DAB1: variants seen among roughly 807,000 people sequenced by gnomAD.
DAB1 encodes disabled homolog 1.
A neutral mutation model predicts 64.6 loss-of-function variants in DAB1; 15 were observed. The ratio of observed to expected loss-of-function variants is 0.23; its 90% CI spans 0.16 to 0.36. The LOEUF (loss-of-function observed/expected upper bound fraction) is 0.36, where lower values mean the gene tolerates loss of function less well. Among genes scored for constraint, DAB1 ranks in the 10% least tolerant of loss-of-function variants. The pLI, the probability that DAB1 is intolerant of heterozygous loss-of-function variation, is 1.00. For synonymous variants in DAB1, 235 were observed against 251.9 expected (o/e 0.93, Z 0.64); for missense variants, 596 against 706.7 (o/e 0.84, Z 1.78).
intron 3 of DAB1, among the ~76,000 whole-genome samples, chr1:58,488,656 T>G (rs1428924390): frequency 6.6e-6 from 1 of 152,220 alleles, no homozygotes; most frequent in Non-Finnish European, 1.5e-5. Context: ...TTCTCCATGT[T>G]GGTCAGGCTG....
chr1:57,311,522 C>CCACACACACA (rs3042913), intron 1 of DAB1, among the ~76,000 whole-genome samples: 1 of 149,970 alleles, frequency 6.7e-6, no homozygotes, highest in Admixed American at 6.6e-5. Context: ...CTGCCAACCA[C>CCACACACACA]CACACACACA....
chr1:58,501,669 C>T (rs4912195), intron 3 of DAB1, among the ~76,000 whole-genome samples: 47,304 of 152,036 alleles, frequency 0.31, 7,794 homozygotes, highest in African/African-American at 0.42. Context: ...CCTTCTTTGA[C>T]TGCTGAAGGA....
intron 6 of DAB1, among the ~76,000 whole-genome samples, chr1:57,748,897 T>G (rs77654054): frequency 0.012 from 1,821 of 152,304 alleles, 48 homozygotes; most frequent in African/African-American, 0.042. Flanking sequence ...ATGCGTACGA[T>G]GAAAAGGGCA....
Position 57,480,060 on chromosome 1 carries a change from G to A in DAB1, n.625+169532C>T, listed in dbSNP as rs1643995256. 1.3e-5 allele frequency among the ~76,000 whole-genome samples: 2 copies of A among 151,318 alleles called. 1 individual carries two copies. Among genetic ancestry groups the A allele is most frequent in the South Asian group, 4.2e-4 (2 of 4,776 alleles). On this transcript the variant is annotated intron_variant and non_coding_transcript_variant, in intron 7 of 20. Coordinates refer to the DAB1 transcript ENST00000485760. Reference sequence around the variant, plus strand: ...CCAGCTACACGGGAGGCTGAGGCAGGAGAATGGCGTGAACCCGGGAGGCGG... The same window carrying A: ...CCAGCTACACGGGAGGCTGAGGCAGAAGAATGGCGTGAACCCGGGAGGCGG...
intron 7 of DAB1, among the ~76,000 whole-genome samples, chr1:57,533,818 C>A (rs544475461): frequency 1.7e-3 from 265 of 151,908 alleles, no homozygotes; most frequent in African/African-American, 6.1e-3. Flanking sequence ...TCATTGTCTT[C>A]AAAAATAGCA....
At chr1:57,908,184 C>A (rs1644585935) in intron 5 of DAB1, among the ~76,000 whole-genome samples, 1 of 152,012 alleles carries the variant, frequency 6.6e-6, no homozygotes, top group African/African-American at 2.4e-5. Flanking sequence ...TTGAAACTTC[C>A]CTCCTACCAG....
intron 5 of DAB1, among the ~76,000 whole-genome samples, chr1:57,964,721 A>G (rs1037182869): frequency 6.6e-6 from 1 of 152,188 alleles, no homozygotes; most frequent in Non-Finnish European, 1.5e-5. Context: ...ATCCGATGGC[A>G]GAATTTACGT....
intron 6 of DAB1, among the ~76,000 whole-genome samples, chr1:57,780,595 A>G (rs144098696): frequency 1.3e-5 from 2 of 151,736 alleles, no homozygotes; most frequent in African/African-American, 2.4e-5. Context: ...AAGAAAAAAA[A>G]TCCATATTTT....
At chr1:57,699,727 A>G (rs1168300260) in intron 6 of DAB1, among the ~76,000 whole-genome samples, 1 of 152,098 alleles carries the variant, frequency 6.6e-6, no homozygotes, top group Non-Finnish European at 1.5e-5. Flanking sequence ...ATCCTGGCCA[A>G]TATGGTGAAA....
At chr1:58,002,343 T>C (rs1051480659) in intron 5 of DAB1, among the ~76,000 whole-genome samples, 1 of 152,218 alleles carries the variant, frequency 6.6e-6, no homozygotes, top group Non-Finnish European at 1.5e-5. Flanking sequence ...TGTTTTTCTT[T>C]AAACTAGTGA....
chr1:57,315,109 G>A (rs1269437636), intron 1 of DAB1, among the ~76,000 whole-genome samples: 1 of 151,916 alleles, frequency 6.6e-6, no homozygotes, highest in Admixed American at 6.6e-5. Context: ...TCTGCTTCAG[G>A]GTCTTTGCAG....
chr1:58,366,968 C>T (rs1644223319), intron 3 of DAB1, among the ~76,000 whole-genome samples: 1 of 152,154 alleles, frequency 6.6e-6, no homozygotes, highest in Non-Finnish European at 1.5e-5. Flanking sequence ...TTTCTGAAAT[C>T]TTGATGAACT....
intron 5 of DAB1, among the ~76,000 whole-genome samples, chr1:58,127,204 G>A (rs1444477794): frequency 6.6e-6 from 1 of 152,050 alleles, no homozygotes; most frequent in African/African-American, 2.4e-5. Context: ...TTTCTCTGAT[G>A]GCCAGTGATG....
At chr1:57,730,518 C>T (rs1647363241) in intron 6 of DAB1, among the ~76,000 whole-genome samples, 1 of 151,632 alleles carries the variant, frequency 6.6e-6, no homozygotes, top group Non-Finnish European at 1.5e-5. Flanking sequence ...TGTCTCCAAA[C>T]TTAAGGGGGC....
chr1:57,889,127 T>C (rs538824935), intron 5 of DAB1, among the ~76,000 whole-genome samples: 168 of 152,324 alleles, frequency 1.1e-3, no homozygotes, highest in African/African-American at 3.9e-3. Flanking sequence ...TTTTCTAGGT[T>C]GTGGTGAGTA....
At chr1:57,013,205 A>G (rs1646318342) in intron 12 of DAB1, among the ~76,000 whole-genome samples, 1 of 152,222 alleles carries the variant, frequency 6.6e-6, no homozygotes, top group Non-Finnish European at 1.5e-5. Context: ...TAGCTAAGTC[A>G]TCTCCATTTT....
chr1:58,122,420 A>G (rs943452431), intron 5 of DAB1, among the ~76,000 whole-genome samples: 4 of 152,180 alleles, frequency 2.6e-5, no homozygotes, highest in Admixed American at 2.0e-4. Flanking sequence ...AAAGCAATAA[A>G]CTTTAAAACA....
At chr1:58,140,759 T>C (rs947763106) in intron 5 of DAB1, among the ~76,000 whole-genome samples, 2 of 152,214 alleles carry the variant, frequency 1.3e-5, no homozygotes, top group African/African-American at 4.8e-5. Context: ...GTTAAATAAA[T>C]GAATAAATCA....
chr1:57,689,258 T>C (rs1274041045), intron 6 of DAB1, among the ~76,000 whole-genome samples: 1 of 152,144 alleles, frequency 6.6e-6, no homozygotes, highest in Admixed American at 6.6e-5. Context: ...TTTTACCCCA[T>C]AATGTCCTAG....
Sources: allele counts gnomAD v4.1 joint callset (sites outside exome capture counted in the v4.1 genomes callset), GRCh38; gene constraint gnomAD v4.1.1; transcripts MANE v1.5; gene names NCBI Gene and HGNC (gene_info 2026-07-23, HGNC 2026-07-21).